CREBBP: variants seen among roughly 807,000 people sequenced by gnomAD.
CREBBP encodes CREB binding lysine acetyltransferase.
In CREBBP, 19 loss-of-function variants were observed where a neutral mutation model predicts 265.0. That is an observed-to-expected ratio of 0.07 (90% CI 0.05 to 0.11). The LOEUF is 0.11. Ranked by LOEUF, CREBBP falls within the 10% of genes least tolerant of loss-of-function variation. The pLI, the probability that CREBBP is intolerant of heterozygous loss-of-function variation, is 1.00. For synonymous variants in CREBBP, 1,457 were observed against 1,223.7 expected, an observed-to-expected ratio of 1.19 and a Z score of -3.98; for missense variants, 2,525 against 3,219.0, an observed-to-expected ratio of 0.78 and a Z score of 5.22.
At chr16:3,740,805 T>C (rs1277994605) in intron 23 of CREBBP, 1 of 531,372 alleles carries the variant, frequency 1.9e-6, no homozygotes, top group Non-Finnish European at 3.4e-6. Flanking sequence ...TCTAACAGTA[T>C]GGGGCAGAAG....
chr16:3,849,441 GTGTGTGTGTGTGT>G (rs1567360476), intron 2 of CREBBP, among the ~76,000 whole-genome samples: 541 of 17,916 alleles, frequency 0.03, 33 homozygotes, highest in Middle Eastern at 0.19. Context: ...GTGTGTGTGT[GTGTGTGTGTGTGT>G]GTGTGTGTGT....
rs1567306237 is a variant in CREBBP, at chr16:3,778,821, A to G, written c.1824-4T>C. The G allele has an allele frequency of 6.2e-7, 1 of 1,612,392 alleles. No individual in the cohort carries two copies. Among genetic ancestry groups the G allele is most frequent in the East Asian group, 2.2e-5 (1 of 44,864 alleles). On this transcript the variant is annotated splice_region_variant and splice_polypyrimidine_tract_variant and intron_variant, in intron 8 of 30. Transcript: ENST00000262367. The stretch of plus-strand genomic sequence containing the variant: ...TGTTGGGAAGATGGCTTGGACGCTG[A>G]AAGGATAACACATCTATCAAACTAC...
In CREBBP at chr16:3,751,596, C is replaced by CA. The variant is rs1319648798; in HGVS notation, c.3779+129dup. 11 of 958,036 alleles carry CA rather than the reference C, an allele frequency of 1.1e-5. No individual in the cohort carries two copies. The Middle Eastern group carries it at 7.7e-4, about 67-fold the overall frequency. 59.3% of individuals were successfully genotyped at this position (958,036 alleles called of 1,614,324 possible). ...ACAGAATGAGAACCTGTCTCAAAAA[C>CA]AAAAAACCAAAAAACATTGCAAGGA... On this transcript the variant is annotated intron_variant, in intron 20 of 30. Transcript: ENST00000262367.
Position 3,769,310 on chromosome 16 carries a change from G to C in CREBBP, c.2924C>G (p.Pro975Arg), listed in dbSNP as rs1466424348. The C allele has an allele frequency of 3.7e-6, 6 of 1,614,188 alleles. No individual in the cohort carries two copies. The highest frequency in any genetic ancestry group is 4.2e-6 in the Non-Finnish European group (5 of 1,180,026). The change falls in exon 15 of 31, where the codon CCC becomes CGC. Residue 975 changes from proline to arginine, a missense_variant. By Grantham distance (103) the Pro-to-Arg change is moderately radical. This residue lies in a region of CREBBP where 548 missense variants were observed against 533.0 expected (regional missense o/e 1.03). Transcript: ENST00000262367. ...GGTTTCTGCGCTGGCCACCGAGGAG[G>C]GGGTAGGGACTCTGTTATCAATGCT... ...AASIDNRVPTPSSVASAETNS... is the reference protein window; with the variant it reads ...AASIDNRVPTRSSVASAETNS...
chr16:3,754,777 A>G (rs1421581694), intron 19 of CREBBP, among the ~76,000 whole-genome samples: 4 of 152,226 alleles, frequency 2.6e-5, no homozygotes, highest in Admixed American at 6.5e-5. Flanking sequence ...GCTCACTTAT[A>G]TATTAGGGTT....
At chr16:3,733,536 G>GT (rs1567267346) in intron 28 of CREBBP, among the ~76,000 whole-genome samples, 1 of 152,164 alleles carries the variant, frequency 6.6e-6, no homozygotes. Flanking sequence ...ATGGCTCACC[G>GT]TGGCAGCAAA....
Position 3,807,903 on chromosome 16 carries a change from GC to G in CREBBP, c.975+2699del, listed in dbSNP as rs572827492. On this transcript the variant is annotated intron_variant, in intron 3 of 30. Coordinates refer to ENST00000262367, the MANE Select transcript of CREBBP (RefSeq NM_004380.3). ...CCTCACAAAGGCACACGTGGGCACA[GC>G]CCCATCTGATCTGTGCCCTCCAGGG... 1.0e-3 allele frequency among the ~76,000 whole-genome samples: 158 copies of G among 152,312 alleles called. 1 individual carries two copies. The highest frequency in any genetic ancestry group is 3.6e-3 in the African/African-American group (151 of 41,576).
At chr16:3,844,147 CAAA>C (rs545907683) in intron 2 of CREBBP, among the ~76,000 whole-genome samples, 3 of 19,714 alleles carry the variant, frequency 1.5e-4, no homozygotes, top group East Asian at 1.5e-3. Flanking sequence ...GACTCCGTCT[CAAA>C]AAAAAAAAAA....
intron 5 of CREBBP, among the ~76,000 whole-genome samples, chr16:3,786,766 T>C (rs942365683): frequency 6.6e-6 from 1 of 152,060 alleles, no homozygotes; most frequent in Non-Finnish European, 1.5e-5. Context: ...GACACTTAGA[T>C]TTCTACTAAA....
At chr16:3,833,610 C>T (rs186349506) in intron 2 of CREBBP, among the ~76,000 whole-genome samples, 2 of 152,128 alleles carry the variant, frequency 1.3e-5, no homozygotes, top group African/African-American at 4.8e-5. Flanking sequence ...CAAGATACAA[C>T]ATTAATACAG....
rs759128035 is a variant in CREBBP, at chr16:3,727,985, G to A, written c.7062C>T (p.Pro2354=). Residue 2354 remains proline (P), a synonymous_variant, in exon 31 of 31, where the codon CCC becomes CCT. Transcript: ENST00000262367. ...GGCTGGAATGTGGAGGCTGGGACTG[G>A]GGCCGTGGAGACTGGACAGGGGCTG... is the stretch of plus-strand genomic sequence containing the variant. The part of the protein sequence containing the change: ...RSPAPVQSPR[P]QSQPPHSSPS... 18 of 1,609,394 alleles carry A rather than the reference G, an allele frequency of 1.1e-5. No individual in the cohort carries two copies. Among genetic ancestry groups the A allele is most frequent in the South Asian group, 3.3e-5 (3 of 90,692 alleles).
At chr16:3,761,671 CG>C in intron 16 of CREBBP, 1 of 488,560 alleles carries the variant, frequency 2.0e-6, no homozygotes, top group Non-Finnish European at 4.1e-6. Context: ...GTAAAAACCC[CG>C]ACGCAGCACT....
chr16:3,769,303 C>T lies in CREBBP; in HGVS notation c.2931G>A (p.Ser977=), dbSNP rs772728928. 1.2e-5 allele frequency: 19 copies of T among 1,614,018 alleles called. No individual in the cohort carries two copies. The highest frequency in any genetic ancestry group is 1.7e-5 in the Admixed American group (1 of 59,996). ...SIDNRVPTPS[S]VASAETNSQQ... is the part of the protein sequence containing the mutation. ...GGGAATTGGTTTCTGCGCTGGCCAC[C>T]GAGGAGGGGGTAGGGACTCTGTTAT... is the stretch of plus-strand genomic sequence containing the variant. Residue 977 remains serine (S), a synonymous_variant, in exon 15 of 31, where the codon TCG becomes TCA. Coordinates refer to ENST00000262367, the MANE Select transcript of CREBBP (RefSeq NM_004380.3).
At chr16:3,745,915 A>G (rs1386253402) in intron 21 of CREBBP, among the ~76,000 whole-genome samples, 3 of 152,242 alleles carry the variant, frequency 2.0e-5, no homozygotes, top group Non-Finnish European at 4.4e-5. Flanking sequence ...CAAGTTGACA[A>G]GGGTTTATTC....
chr16:3,781,141 T>G, intron 7 of CREBBP, 63 bp downstream of exon 7: 1 of 1,426,706 alleles, frequency 7.0e-7, no homozygotes, highest in Middle Eastern at 1.7e-4. Context: ...AAGAATCAGT[T>G]TTGTGTGGTT....
intron 19 of CREBBP, among the ~76,000 whole-genome samples, chr16:3,756,474 A>G (rs913025778): frequency 6.6e-6 from 1 of 152,256 alleles, no homozygotes. Flanking sequence ...CTATTTTAAG[A>G]CAGGAGATCT....
intron 18 of CREBBP, 83 bp from the exon 19 acceptor site, chr16:3,757,459 T>C: frequency 1.7e-6 from 2 of 1,160,088 alleles, no homozygotes; most frequent in South Asian, 1.3e-5. Flanking sequence ...CTATAGAGAC[T>C]AGTAAATTAT....
chr16:3,769,499 G>GTAA, intron 14 of CREBBP, 146 bp from the exon 15 acceptor site: 1 of 974,218 alleles, frequency 1.0e-6, no homozygotes, highest in South Asian at 1.4e-5. Flanking sequence ...GAAGAACAGG[G>GTAA]GTTAAAGTAG....
chr16:3,735,680 C>T (rs1022115621), intron 28 of CREBBP, among the ~76,000 whole-genome samples: 4 of 152,198 alleles, frequency 2.6e-5, no homozygotes, highest in Admixed American at 2.6e-4. Context: ...GCATGAGCAT[C>T]ATGTGCAGAG....
Sources: allele counts gnomAD v4.1 joint callset (sites outside exome capture counted in the v4.1 genomes callset), GRCh38; gene constraint gnomAD v4.1.1; regional missense constraint gnomAD v4.1.1; transcripts MANE v1.5; gene names NCBI Gene and HGNC (gene_info 2026-07-23, HGNC 2026-07-21).